The following GPC5 variants were observed in gnomAD, a reference collection of about 807,000 sequenced individuals.
GPC5 encodes the protein glypican-5.
In GPC5, 47 loss-of-function variants were observed where a neutral mutation model predicts 53.9. The ratio of observed to expected loss-of-function variants is 0.87; its 90% confidence interval spans 0.69 to 1.11. The LOEUF (loss-of-function observed/expected upper bound fraction) is 1.11, where lower values mean the gene tolerates loss of function less well. Among genes scored for constraint, GPC5 ranks in the 50% most tolerant of loss-of-function variants. The pLI is 0.00. For synonymous variants in GPC5, 286 were observed against 263.3 expected, an observed-to-expected ratio of 1.09 and a Z score of -0.84; for missense variants, 748 against 713.1, an observed-to-expected ratio of 1.05 and a Z score of -0.56.
chr13:92,806,682 G>C (rs1877112945), intron 7 of GPC5, among the ~76,000 whole-genome samples: 1 of 152,052 alleles, frequency 6.6e-6, no homozygotes, highest in Non-Finnish European at 1.5e-5. Context: ...TGAGGAGAGG[G>C]AGATGGGGGA....
intron 2 of GPC5, among the ~76,000 whole-genome samples, chr13:91,541,163 A>G (rs945564178): frequency 6.6e-6 from 1 of 151,602 alleles, no homozygotes; most frequent in African/African-American, 2.4e-5. Context: ...AATTTTATCT[A>G]CTATTATAGA....
At chr13:92,698,160 CTTTT>C (rs1020043653) in intron 7 of GPC5, among the ~76,000 whole-genome samples, 1 of 151,754 alleles carries the variant, frequency 6.6e-6, no homozygotes, top group African/African-American at 2.4e-5. Flanking sequence ...CTGAAATTTT[CTTTT>C]TTTCTTTTTT....
intron 5 of GPC5, among the ~76,000 whole-genome samples, chr13:91,861,836 T>C (rs1446064894): frequency 6.6e-6 from 1 of 151,478 alleles, no homozygotes; most frequent in Non-Finnish European, 1.5e-5. Context: ...CAGAGCTTTT[T>C]TACTGAGTTA....
intron 5 of GPC5, among the ~76,000 whole-genome samples, chr13:91,771,596 C>T (rs1340736054): frequency 6.6e-6 from 1 of 151,962 alleles, no homozygotes; most frequent in East Asian, 1.9e-4. Flanking sequence ...AAGGAGATAG[C>T]CTTACAGCTA....
chr13:91,732,387 T>C (rs2036720136), intron 4 of GPC5, among the ~76,000 whole-genome samples: 1 of 151,392 alleles, frequency 6.6e-6, no homozygotes, highest in Non-Finnish European at 1.5e-5. Context: ...TTTTTTTTTT[T>C]CTTGTAAATT....
At chr13:91,842,058 C>G (rs901280576) in intron 5 of GPC5, among the ~76,000 whole-genome samples, 1 of 152,068 alleles carries the variant, frequency 6.6e-6, no homozygotes, top group African/African-American at 2.4e-5. Flanking sequence ...AATTTTGACA[C>G]TTTCTTTGGT....
rs369390658 is a variant in GPC5, at chr13:92,573,909, G to A, written c.1562-292373G>A. Among the ~76,000 whole-genome samples the A allele has an allele frequency of 3.1e-4, 47 of 152,230 alleles. 2 individuals are homozygous for A. In the South Asian group the frequency reaches 9.8e-3, roughly 32 times the overall value. On this transcript the variant is annotated intron_variant, in intron 7 of 7. Coordinates refer to ENST00000377067, the MANE Select transcript of GPC5 (RefSeq NM_004466.6). Reference sequence around the variant, plus strand: ...GGGACTTCTTCTTTGCTTGTCTAGTGAATGTGCATCAGATCTGGTCTGGGC... The same window carrying A: ...GGGACTTCTTCTTTGCTTGTCTAGTAAATGTGCATCAGATCTGGTCTGGGC...
At chr13:91,786,817 G>A (rs2037886746) in intron 5 of GPC5, among the ~76,000 whole-genome samples, 1 of 151,880 alleles carries the variant, frequency 6.6e-6, no homozygotes, top group African/African-American at 2.4e-5. Flanking sequence ...TAACAATATT[G>A]TATCTTTCAA....
chr13:92,866,076 T>C (rs2138859951), intron 7 of GPC5, among the ~76,000 whole-genome samples: 1 of 152,264 alleles, frequency 6.6e-6, no homozygotes. Flanking sequence ...TCTTATAATA[T>C]TTGAGAATTT....
chr13:92,572,685 AC>A (rs1388314373), intron 7 of GPC5, among the ~76,000 whole-genome samples: 1 of 152,188 alleles, frequency 6.6e-6, no homozygotes, highest in Non-Finnish European at 1.5e-5. Context: ...TTTTACATTA[AC>A]CTTTTTTCCC....
intron 4 of GPC5, among the ~76,000 whole-genome samples, chr13:91,730,595 C>T (rs1040181054): frequency 2.6e-5 from 4 of 152,120 alleles, no homozygotes; most frequent in Non-Finnish European, 4.4e-5. Flanking sequence ...ACCAAATAAC[C>T]AGCTAACCCA....
chr13:92,171,717 T>G (rs1486402965), intron 7 of GPC5, among the ~76,000 whole-genome samples: 1 of 152,198 alleles, frequency 6.6e-6, no homozygotes, highest in African/African-American at 2.4e-5. Flanking sequence ...TCACTCTGTA[T>G]TTTTCCTGAG....
chr13:91,784,403 A>C (rs759627126), intron 5 of GPC5, among the ~76,000 whole-genome samples: 3 of 152,172 alleles, frequency 2.0e-5, no homozygotes, highest in Non-Finnish European at 4.4e-5. Flanking sequence ...GGGATGAATA[A>C]AGCAGGGAAA....
chr13:92,655,465 G>C (rs1886101733), intron 7 of GPC5, among the ~76,000 whole-genome samples: 1 of 152,072 alleles, frequency 6.6e-6, no homozygotes, highest in Admixed American at 6.6e-5. Context: ...CTCCTGAGTA[G>C]CTGGGATTAC....
At chr13:92,760,950 G>A (rs1875143330) in intron 7 of GPC5, among the ~76,000 whole-genome samples, 1 of 151,876 alleles carries the variant, frequency 6.6e-6, no homozygotes, top group South Asian at 2.1e-4. Flanking sequence ...CCACATATTT[G>A]TGAATTTTCC....
intron 3 of GPC5, among the ~76,000 whole-genome samples, chr13:91,695,289 G>T: frequency 6.6e-6 from 1 of 152,110 alleles, no homozygotes; most frequent in East Asian, 1.9e-4. Flanking sequence ...TCAAAAGGAG[G>T]TACCAATGAC....
At chr13:91,467,307 AG>A (rs1222365663) in intron 2 of GPC5, among the ~76,000 whole-genome samples, 1 of 152,166 alleles carries the variant, frequency 6.6e-6, no homozygotes, top group Non-Finnish European at 1.5e-5. Flanking sequence ...GTCACCACAG[AG>A]GGAGAAAGGG....
At chr13:91,433,699 C>T (rs912813124) in intron 1 of GPC5, among the ~76,000 whole-genome samples, 1 of 152,048 alleles carries the variant, frequency 6.6e-6, no homozygotes, top group Non-Finnish European at 1.5e-5. Context: ...GATTTATAAT[C>T]CTTTGGGTAT....
chr13:92,670,990 T>C (rs1886729671), intron 7 of GPC5, among the ~76,000 whole-genome samples: 1 of 152,136 alleles, frequency 6.6e-6, no homozygotes, highest in Admixed American at 6.6e-5. Flanking sequence ...TTAGTAAATC[T>C]CAGAAAAAGA....
Sources: gnomAD v4.1 joint callset for allele counts (sites outside exome capture counted in the v4.1 genomes callset) on GRCh38, gnomAD v4.1.1 for gene constraint, MANE v1.5 for transcripts, NCBI Gene and HGNC (gene_info 2026-07-23, HGNC 2026-07-21) for gene names.